The following ATP1B1 variants were observed in gnomAD, a reference collection of about 807,000 sequenced individuals.
The protein encoded by ATP1B1 is ATPase Na+/K+ transporting subunit beta 1, also known as sodium/potassium-transporting ATPase subunit beta-1.
Under a neutral mutation model 39.6 loss-of-function variants are expected in ATP1B1, and 3 were observed. The ratio of observed to expected loss-of-function variants is 0.08; its 90% CI spans 0.03 to 0.20. The LOEUF is 0.20. ATP1B1 is among the 10% of genes least tolerant of loss of function. The probability of loss-of-function intolerance (pLI) is 1.00; values close to 1 mark genes in which losing one functional copy is unlikely to be tolerated. For synonymous variants in ATP1B1, 139 were observed against 135.0 expected (o/e 1.03, Z -0.20); for missense variants, 216 against 371.1 (o/e 0.58, Z 3.43).
chr1:169,107,490 G>T (rs1010953721), intron 1 of ATP1B1, among the ~76,000 whole-genome samples: 2 of 152,142 alleles, frequency 1.3e-5, no homozygotes, highest in Non-Finnish European at 2.9e-5. Flanking sequence ...ACCTCCCCTG[G>T]AGTCATCACC....
intron 4 of ATP1B1, among the ~76,000 whole-genome samples, chr1:169,129,678 C>T (rs1027326878): frequency 2.0e-5 from 3 of 152,184 alleles, no homozygotes; most frequent in East Asian, 1.9e-4. Flanking sequence ...TAGCAAATAA[C>T]GAGCATTATA....
intron 2 of ATP1B1, among the ~76,000 whole-genome samples, chr1:169,117,614 G>A (rs1427841960): frequency 6.6e-6 from 1 of 152,164 alleles, no homozygotes; most frequent in African/African-American, 2.4e-5. Flanking sequence ...TTCATTTAAG[G>A]ATTTTTTGCT....
chr1:169,120,974 G>A (rs1210017038), intron 2 of ATP1B1, among the ~76,000 whole-genome samples: 1 of 134,600 alleles, frequency 7.4e-6, no homozygotes, highest in East Asian at 2.3e-4. Context: ...TTGAGACAGA[G>A]TCTCGCTCTG....
At chr1:169,129,899 G>T in intron 4 of ATP1B1, 111 bp from the exon 5 acceptor site, 1 of 925,242 alleles carries the variant, frequency 1.1e-6, no homozygotes, top group Non-Finnish European at 1.6e-6. Flanking sequence ...TGTTATTTTG[G>T]TTGACTTACT....
chr1:169,123,483 GA>G (rs1337755301), intron 2 of ATP1B1, among the ~76,000 whole-genome samples: 1 of 151,980 alleles, frequency 6.6e-6, no homozygotes, highest in Non-Finnish European at 1.5e-5. Flanking sequence ...ACAGAGAGGG[GA>G]GATCTGGGAG....
intron 1 of ATP1B1, 104 bp downstream of exon 1, chr1:169,107,030 C>G: frequency 9.0e-7 from 1 of 1,114,666 alleles, no homozygotes; most frequent in Non-Finnish European, 1.3e-6. Flanking sequence ...CCGCGCTGGC[C>G]GGGGTGGCGG....
chr1:169,126,590 A>G (rs1005758607), intron 3 of ATP1B1, among the ~76,000 whole-genome samples: 1 of 151,860 alleles, frequency 6.6e-6, no homozygotes, highest in Non-Finnish European at 1.5e-5. Context: ...ACACGCCTGT[A>G]GTCCCAGCTA....
At chr1:169,112,763 G>GA (rs555599818) in intron 2 of ATP1B1, among the ~76,000 whole-genome samples, 35 of 149,842 alleles carry the variant, frequency 2.3e-4, no homozygotes, top group East Asian at 5.8e-4. Context: ...TGGGGAAGTG[G>GA]AAAAAAAAAA....
intron 2 of ATP1B1, among the ~76,000 whole-genome samples, chr1:169,118,830 A>G (rs1657912472): frequency 6.6e-6 from 1 of 152,178 alleles, no homozygotes; most frequent in South Asian, 2.1e-4. Context: ...TCTCAGTCAT[A>G]TGGGTACCTT....
chr1:169,111,287 AG>A, intron 1 of ATP1B1, 82 bp from the exon 2 acceptor site: 1 of 1,558,118 alleles, frequency 6.4e-7, no homozygotes, highest in Non-Finnish European at 8.7e-7. Flanking sequence ...CCAGGAAGGA[AG>A]CTTGTTCATC....
At chr1:169,114,875 T>A (rs949332927) in intron 2 of ATP1B1, among the ~76,000 whole-genome samples, 13 of 151,332 alleles carry the variant, frequency 8.6e-5, no homozygotes, top group African/African-American at 2.9e-4. Flanking sequence ...ACACAAAAAA[T>A]TTTTTTAAGT....
At chr1:169,117,946 A>T (rs1482033991) in intron 2 of ATP1B1, among the ~76,000 whole-genome samples, 1 of 152,258 alleles carries the variant, frequency 6.6e-6, no homozygotes, top group African/African-American at 2.4e-5. Flanking sequence ...TATCTAGATA[A>T]GTCAAATATA....
chr1:169,125,243 A>C (rs920996589), intron 3 of ATP1B1, among the ~76,000 whole-genome samples: 2 of 152,196 alleles, frequency 1.3e-5, no homozygotes, highest in Admixed American at 6.5e-5. Context: ...TGTTTTCTGC[A>C]TTGGAAAGGT....
At chr1:169,128,564 C>G (rs954361796) in intron 4 of ATP1B1, among the ~76,000 whole-genome samples, 5 of 152,200 alleles carry the variant, frequency 3.3e-5, no homozygotes, top group African/African-American at 9.7e-5. Flanking sequence ...GGATTTTAAG[C>G]TTCTTTCCAC....
chr1:169,107,747 C>T (rs1657631841), intron 1 of ATP1B1, among the ~76,000 whole-genome samples: 1 of 150,680 alleles, frequency 6.6e-6, no homozygotes, highest in Admixed American at 6.6e-5. Flanking sequence ...TCAGCCTCTC[C>T]GGAAAGGTGA....
chr1:169,127,777 GTTTTTTA>G (rs1658119336), intron 4 of ATP1B1, among the ~76,000 whole-genome samples: 2 of 151,224 alleles, frequency 1.3e-5, no homozygotes, highest in East Asian at 3.9e-4. Flanking sequence ...AAAAAAAAAA[GTTTTTTA>G]TTTTTTACTT....
intron 2 of ATP1B1, among the ~76,000 whole-genome samples, chr1:169,118,971 T>C (rs191214797): frequency 9.0e-4 from 137 of 152,318 alleles, no homozygotes; most frequent in African/African-American, 3.2e-3. Context: ...TACATTCTAG[T>C]TTAAATACTT....
intron 1 of ATP1B1, among the ~76,000 whole-genome samples, chr1:169,107,242 C>T (rs1247935449): frequency 1.3e-5 from 2 of 152,114 alleles, no homozygotes; most frequent in African/African-American, 4.8e-5. Context: ...TGGGAATAGT[C>T]AGGCTCTGCG....
Position 169,130,064 on chromosome 1 carries a change from G to A in ATP1B1, c.622G>A (p.Val208Ile), listed in dbSNP as rs1658173541. Residue 208 changes from valine to isoleucine, a missense_variant, in exon 5 of 6, where the codon GTC (valine) becomes ATC (isoleucine). Val to Ile is a conservative substitution (Grantham distance 29, BLOSUM62 3). Transcript: ENST00000367815. ...TYPVMKYNPN[V>I]LPVQCTGKRD... ...CCCAGTGATGAAGTATAACCCAAAT[G>A]TCCTTCCCGTTCAGTGCACTGGCAA... is the stretch of plus-strand genomic sequence containing the variant. 1.2e-6 allele frequency: 2 copies of A among 1,613,882 alleles called. No individual in the cohort carries two copies. Among genetic ancestry groups the A allele is most frequent in the African/African-American group, 2.7e-5 (2 of 74,918 alleles).
Sources: allele counts gnomAD v4.1 joint callset (sites outside exome capture counted in the v4.1 genomes callset), GRCh38; gene constraint gnomAD v4.1.1; transcripts MANE v1.5; gene names NCBI Gene and HGNC (gene_info 2026-07-23, HGNC 2026-07-21).